The following CACNA2D3 variants were observed in gnomAD, a reference collection of about 807,000 sequenced individuals.
The protein encoded by CACNA2D3 is calcium voltage-gated channel auxiliary subunit alpha2delta 3.
CACNA2D3 carries 60 observed loss-of-function variants against 160.6 expected under a neutral mutation model. The observed-to-expected ratio is 0.37, with a 90% CI of 0.30 to 0.46. The LOEUF is 0.46. CACNA2D3 is among the 20% of genes least tolerant of loss of function. The pLI is 1.00. For synonymous variants in CACNA2D3, 558 were observed against 492.9 expected (o/e 1.13, Z -1.75); for missense variants, 1,205 against 1,365.0 (o/e 0.88, Z 1.85).
intron 34 of CACNA2D3, among the ~76,000 whole-genome samples, chr3:55,011,852 C>T (rs1436546179): frequency 6.6e-6 from 1 of 152,096 alleles, no homozygotes; most frequent in African/African-American, 2.4e-5. Context: ...ACTAAATGCG[C>T]ACTTGGTTAT....
intron 11 of CACNA2D3, among the ~76,000 whole-genome samples, chr3:54,697,002 C>T (rs533105686): frequency 1.4e-4 from 22 of 152,194 alleles, no homozygotes; most frequent in African/African-American, 3.6e-4. Flanking sequence ...CTTGGCCAGA[C>T]GCTGTGACTC....
intron 31 of CACNA2D3, among the ~76,000 whole-genome samples, chr3:54,996,417 C>T (rs1436871208): frequency 6.6e-6 from 1 of 152,194 alleles, no homozygotes; most frequent in Non-Finnish European, 1.5e-5. Context: ...AACCAGCTGG[C>T]AGCTAGGTGC....
At chr3:54,466,010 T>C (rs1350082459) in intron 4 of CACNA2D3, among the ~76,000 whole-genome samples, 1 of 152,134 alleles carries the variant, frequency 6.6e-6, no homozygotes, top group Non-Finnish European at 1.5e-5. Flanking sequence ...TTGCATGTGG[T>C]CCCCTCCACC....
chr3:54,564,294 G>T (rs896556806), intron 6 of CACNA2D3, among the ~76,000 whole-genome samples: 2 of 152,210 alleles, frequency 1.3e-5, no homozygotes, highest in African/African-American at 4.8e-5. Context: ...CTCATAAAGG[G>T]TTTGTGTAAT....
chr3:54,390,027 G>C (rs778063362), intron 4 of CACNA2D3, among the ~76,000 whole-genome samples: 3 of 152,174 alleles, frequency 2.0e-5, no homozygotes, highest in African/African-American at 4.8e-5. Context: ...GTGCGGGAGA[G>C]AGTGAGAAAC....
intron 5 of CACNA2D3, among the ~76,000 whole-genome samples, chr3:54,514,882 C>T (rs1701519931): frequency 6.6e-6 from 1 of 152,192 alleles, no homozygotes; most frequent in African/African-American, 2.4e-5. Context: ...AGGGTGATGC[C>T]TTGGAGAATC....
At chr3:54,169,699 G>GCA in intron 2 of CACNA2D3, among the ~76,000 whole-genome samples, 1 of 151,648 alleles carries the variant, frequency 6.6e-6, no homozygotes, top group Non-Finnish European at 1.5e-5. Context: ...GTGTGCATGT[G>GCA]TGTGTGCAAG....
chr3:54,942,606 G>A lies in CACNA2D3; in HGVS notation c.2450-25844G>A, dbSNP rs542916344. On this transcript the variant is annotated intron_variant, in intron 27 of 37. Transcript: ENST00000474759. ...ATGTTTTAAAAAGAAAAAGAAGCAG[G>A]AGCCAGGCATACTGGTTCACGCCTG... 9.2e-5 allele frequency among the ~76,000 whole-genome samples: 14 copies of A among 152,236 alleles called. No homozygotes were observed. In the South Asian group the frequency reaches 1.4e-3, roughly 16 times the overall value.
At chr3:54,398,051 G>C (rs1181957399) in intron 4 of CACNA2D3, among the ~76,000 whole-genome samples, 3 of 18,482 alleles carry the variant, frequency 1.6e-4, no homozygotes, top group Non-Finnish European at 1.9e-4. Context: ...TTGTTGAATT[G>C]ATCCCTTTAC....
intron 5 of CACNA2D3, among the ~76,000 whole-genome samples, chr3:54,530,459 G>A (rs937023812): frequency 1.3e-5 from 2 of 152,202 alleles, no homozygotes; most frequent in African/African-American, 4.8e-5. Context: ...GCACATTTGT[G>A]TATAGAGCTA....
intron 17 of CACNA2D3, among the ~76,000 whole-genome samples, chr3:54,871,223 A>AACC (rs1699526145): frequency 6.9e-6 from 1 of 143,966 alleles, no homozygotes; most frequent in African/African-American, 2.5e-5. Flanking sequence ...ACACACACAC[A>AACC]CCCCCCATTC....
intron 3 of CACNA2D3, among the ~76,000 whole-genome samples, chr3:54,328,966 C>T (rs996011420): frequency 1.8e-4 from 27 of 152,126 alleles, no homozygotes; most frequent in African/African-American, 5.3e-4. Context: ...TTCAGCCTCC[C>T]CACTACTGTG....
chr3:55,008,652 A>C (rs1467369963), intron 33 of CACNA2D3, among the ~76,000 whole-genome samples: 1 of 152,182 alleles, frequency 6.6e-6, no homozygotes, highest in East Asian at 1.9e-4. Flanking sequence ...CCATATACAC[A>C]TGAGGCAGAG....
intron 2 of CACNA2D3, among the ~76,000 whole-genome samples, chr3:54,286,947 C>A (rs553879193): frequency 1.3e-5 from 2 of 152,278 alleles, no homozygotes; most frequent in Non-Finnish European, 2.9e-5. Context: ...TGGAAAGGAA[C>A]AACCAGTACC....
chr3:54,837,752 A>C (rs1575504040), intron 15 of CACNA2D3, among the ~76,000 whole-genome samples: 1 of 152,096 alleles, frequency 6.6e-6, no homozygotes, highest in South Asian at 2.1e-4. Context: ...GTGTCACTCC[A>C]ATCTCTGCCT....
chr3:54,478,721 A>G (rs909713580), intron 4 of CACNA2D3, among the ~76,000 whole-genome samples: 14 of 31,562 alleles, frequency 4.4e-4, no homozygotes, highest in Non-Finnish European at 6.7e-4. Context: ...CGCATCTTCA[A>G]TGTGCATCTT....
At chr3:54,893,611 A>G (rs149625528) in intron 25 of CACNA2D3, among the ~76,000 whole-genome samples, 5 of 152,264 alleles carry the variant, frequency 3.3e-5, no homozygotes, top group African/African-American at 4.8e-5. Flanking sequence ...CTAGGGCATG[A>G]AAGGCAGAGC....
chr3:54,606,146 A>T (rs899314415), intron 9 of CACNA2D3, among the ~76,000 whole-genome samples: 4 of 67,836 alleles, frequency 5.9e-5, no homozygotes, highest in African/African-American at 2.9e-4. Context: ...ATGTAACTTT[A>T]TATATATATA....
At chr3:54,561,078 A>G (rs1285125173) in intron 5 of CACNA2D3, among the ~76,000 whole-genome samples, 1 of 152,224 alleles carries the variant, frequency 6.6e-6, no homozygotes, top group African/African-American at 2.4e-5. Context: ...TTAGTTTCAT[A>G]TGAATTTAAA....
Sources: gnomAD v4.1 joint callset for allele counts (sites outside exome capture counted in the v4.1 genomes callset) on GRCh38, gnomAD v4.1.1 for gene constraint, MANE v1.5 for transcripts, NCBI Gene and HGNC (gene_info 2026-07-23, HGNC 2026-07-21) for gene names.